The following EPS15 variants were observed in gnomAD, a reference collection of about 807,000 sequenced individuals.
EPS15 encodes epidermal growth factor receptor pathway substrate 15, also known as epidermal growth factor receptor substrate 15.
In EPS15, 72 loss-of-function variants were observed where a neutral mutation model predicts 113.8. The observed-to-expected ratio is 0.63, with a 90% CI of 0.52 to 0.77. EPS15 has a LOEUF of 0.77. Among genes scored for constraint, EPS15 ranks in the 30% least tolerant of loss-of-function variants. The probability of loss-of-function intolerance (pLI) is 0.00; values close to 1 mark genes in which losing one functional copy is unlikely to be tolerated. For synonymous variants in EPS15, 344 were observed against 363.4 expected (o/e 0.95, Z 0.61); for missense variants, 1,048 against 1,045.8 (o/e 1.00, Z -0.03).
intron 12 of EPS15, among the ~76,000 whole-genome samples, chr1:51,433,536 G>A (rs1651903464): frequency 1.3e-5 from 2 of 152,204 alleles, no homozygotes; most frequent in Non-Finnish European, 2.9e-5. Flanking sequence ...ACACAGAGTC[G>A]AGAATCTACT....
intron 5 of EPS15, among the ~76,000 whole-genome samples, chr1:51,467,743 C>T (rs1421891317): frequency 1.3e-5 from 2 of 152,070 alleles, no homozygotes; most frequent in Non-Finnish European, 2.9e-5. Flanking sequence ...AGCACGAACC[C>T]TATCATGAAC....
intron 12 of EPS15, among the ~76,000 whole-genome samples, chr1:51,434,673 TTC>T (rs1197175069): frequency 2.0e-5 from 3 of 152,110 alleles, no homozygotes; most frequent in Non-Finnish European, 2.9e-5. Context: ...GTGAATATAT[TTC>T]TTTTTCTTTT....
chr1:51,432,840 C>A (rs1268258800), intron 12 of EPS15, among the ~76,000 whole-genome samples: 1 of 152,162 alleles, frequency 6.6e-6, no homozygotes, highest in Non-Finnish European at 1.5e-5. Flanking sequence ...GAAATGCACA[C>A]CGCAACCTAG....
In EPS15 at chr1:51,403,536, C is replaced by G. The variant is rs746604041; in HGVS notation, c.1678-4G>C. The G allele has an allele frequency of 6.6e-7, 1 of 1,517,172 alleles. No homozygotes were observed. Among genetic ancestry groups the G allele is most frequent in the Non-Finnish European group, 9.0e-7 (1 of 1,111,206 alleles). 94.0% of individuals were successfully genotyped at this position (1,517,172 alleles called of 1,614,324 possible). On this transcript the variant is annotated splice_polypyrimidine_tract_variant and splice_region_variant and intron_variant, in intron 16 of 24. Coordinates refer to ENST00000371733, the MANE Select transcript of EPS15 (RefSeq NM_001981.3). ...GTAGTTCAGGACTACTTCTTGCCTA[C>G]AAAATATTAATGCAAGTAGATTAAC...
rs1646175806 is a variant in EPS15 at position 51,354,529 on chromosome 1, T to G, written c.*2171A>C. On this transcript the variant is annotated 3_prime_UTR_variant, in exon 25 of 25. Transcript: ENST00000371733. ...TCTATAAAGAGAGCTCAAATAAACA[T>G]GAATCAGTATGTAGAAGACATTTAA... 1 of 185,208 alleles carries G rather than the reference T, an allele frequency of 5.4e-6. No homozygotes were observed. The highest frequency in any genetic ancestry group is 1.1e-5 in the Non-Finnish European group (1 of 87,502). The allele number at this position is 185,208 out of a possible 1,614,324, so 11.5% of individuals were successfully genotyped here.
At chr1:51,410,280 A>T (rs1165262465) in intron 13 of EPS15, among the ~76,000 whole-genome samples, 1 of 151,830 alleles carries the variant, frequency 6.6e-6, no homozygotes, top group Non-Finnish European at 1.5e-5. Flanking sequence ...GGTCCCAGTT[A>T]CTTGGGAGGC....
chr1:51,415,534 C>T (rs759954600), intron 13 of EPS15, among the ~76,000 whole-genome samples: 6 of 151,662 alleles, frequency 4.0e-5, no homozygotes, highest in Non-Finnish European at 5.9e-5. Context: ...TGGTGGCTCA[C>T]GCCTGTAATC....
intron 12 of EPS15, among the ~76,000 whole-genome samples, chr1:51,434,158 C>T (rs1183512821): frequency 6.6e-6 from 1 of 152,190 alleles, no homozygotes; most frequent in Non-Finnish European, 1.5e-5. Context: ...AAAAACAGGT[C>T]TGCAATTACC....
chr1:51,484,288 G>A (rs1411929760), intron 1 of EPS15, among the ~76,000 whole-genome samples: 4 of 151,714 alleles, frequency 2.6e-5, no homozygotes, highest in African/African-American at 9.7e-5. Context: ...TGGGCCAGGT[G>A]TAGTCGCTCG....
chr1:51,357,391 A>ATATATATATATATATAT (rs1553184226), intron 24 of EPS15, among the ~76,000 whole-genome samples: 1 of 65,720 alleles, frequency 1.5e-5, no homozygotes, highest in African/African-American at 7.0e-5. Flanking sequence ...AAAAAAAAAA[A>ATATATATATATATATAT]ATATATATAT....
At chr1:51,484,036 C>T (rs569795582) in intron 1 of EPS15, among the ~76,000 whole-genome samples, 4 of 150,784 alleles carry the variant, frequency 2.7e-5, no homozygotes, top group East Asian at 3.9e-4. Flanking sequence ...GGTTGAGCCA[C>T]GGAGGTCAAA....
In EPS15 at chr1:51,448,277, A is replaced by C. The variant is rs547911398; in HGVS notation, c.562-142T>G. On this transcript the variant is annotated intron_variant, in intron 8 of 24. Transcript: ENST00000371733. ...TTGGGCTGGGAGGGAAAGAAGAGGA[A>C]AATGAGGGAGGGATGAAAGGAGGGA... 8 of 470,470 alleles carry C rather than the reference A, an allele frequency of 1.7e-5. No individual in the cohort carries two copies. In the East Asian group the frequency reaches 2.5e-4, roughly 15 times the overall value. The allele number at this position is 470,470 out of a possible 1,614,324, so 29.1% of individuals were successfully genotyped here.
intron 8 of EPS15, among the ~76,000 whole-genome samples, chr1:51,453,629 T>A (rs1653748629): frequency 1.3e-5 from 2 of 152,134 alleles, no homozygotes; most frequent in Non-Finnish European, 2.9e-5. Context: ...TTAGAATGTC[T>A]TTTTATTTCA....
intron 1 of EPS15, among the ~76,000 whole-genome samples, chr1:51,497,539 T>G (rs760523926): frequency 2.0e-5 from 3 of 152,204 alleles, no homozygotes; most frequent in Non-Finnish European, 4.4e-5. Context: ...AAATACTCAT[T>G]AATCAGCCAA....
intron 1 of EPS15, among the ~76,000 whole-genome samples, chr1:51,502,979 T>A: frequency 6.8e-6 from 1 of 147,160 alleles, no homozygotes. Flanking sequence ...TGAACTCCAG[T>A]CTGGGCGACA....
Position 51,519,204 on chromosome 1 carries a change from T to A in EPS15, c.28A>T (p.Thr10Ser). 1 of 1,422,014 alleles carries A rather than the reference T, an allele frequency of 7.0e-7. No homozygotes were observed. The highest frequency in any genetic ancestry group is 9.3e-7 in the Non-Finnish European group (1 of 1,077,238). 88.1% of individuals were successfully genotyped at this position (1,422,014 alleles called of 1,614,324 possible). The change falls in exon 1 of 25, where the codon ACA becomes TCA. Residue 10 changes from threonine (T) to serine (S), a missense_variant. Physicochemically the swap from Thr to Ser is moderately conservative, Grantham distance 58. Coordinates refer to ENST00000371733, the MANE Select transcript of EPS15 (RefSeq NM_001981.3). The stretch of plus-strand genomic sequence containing the variant: ...GGACGGGCGTGTGGCGTTACCTGTG[T>A]CAGAGAGAGCTGGGCCGCCGCAGCC... The part of the protein sequence containing the change: MAAAAQLSL[T>S]QLSSGNPVYE...
At chr1:51,475,764 G>T (rs531626685) in intron 2 of EPS15, among the ~76,000 whole-genome samples, 81 of 152,154 alleles carry the variant, frequency 5.3e-4, no homozygotes, top group African/African-American at 1.8e-3. Flanking sequence ...CATGCCTATG[G>T]CCTGAATGGT....
chr1:51,403,897 C>T (rs745902064), intron 16 of EPS15, among the ~76,000 whole-genome samples: 11 of 152,168 alleles, frequency 7.2e-5, no homozygotes, highest in Middle Eastern at 3.2e-3. Context: ...AACTGCTTTC[C>T]TGCCTCCAAT....
intron 1 of EPS15, among the ~76,000 whole-genome samples, chr1:51,487,541 G>A (rs888209443): frequency 2.0e-5 from 3 of 152,016 alleles, no homozygotes; most frequent in African/African-American, 7.2e-5. Flanking sequence ...CATCTACTTA[G>A]TTATGACAAC....
Sources: allele counts gnomAD v4.1 joint callset (sites outside exome capture counted in the v4.1 genomes callset), GRCh38; gene constraint gnomAD v4.1.1; transcripts MANE v1.5; gene names NCBI Gene and HGNC (gene_info 2026-07-23, HGNC 2026-07-21).